Variants in SIPA1L1 observed in about 807,000 individuals in gnomAD.
SIPA1L1 encodes the protein signal-induced proliferation-associated 1-like protein 1.
Under a neutral mutation model 162.7 loss-of-function variants are expected in SIPA1L1, and 26 were observed. That is an observed-to-expected ratio of 0.16 (90% CI 0.12 to 0.22). SIPA1L1 has a LOEUF of 0.22. SIPA1L1 is among the 10% of genes least tolerant of loss of function. The pLI is 1.00. For synonymous variants in SIPA1L1, 829 were observed against 837.4 expected, an observed-to-expected ratio of 0.99 and a Z score of 0.17; for missense variants, 1,874 against 2,241.0, an observed-to-expected ratio of 0.84 and a Z score of 3.31.
intron 12 of SIPA1L1, among the ~76,000 whole-genome samples, chr14:71,685,105 T>A (rs2046174055): frequency 6.6e-6 from 1 of 152,144 alleles, no homozygotes; most frequent in South Asian, 2.1e-4. Context: ...TGTCCGTGGG[T>A]CCCATTGTTT....
intron 2 of SIPA1L1, among the ~76,000 whole-genome samples, chr14:71,383,994 G>T (rs1041073234): frequency 3.3e-5 from 5 of 152,222 alleles, no homozygotes; most frequent in African/African-American, 1.2e-4. Flanking sequence ...CCAGGAGGAC[G>T]GGCCCTTCCA....
intron 15 of SIPA1L1, among the ~76,000 whole-genome samples, chr14:71,703,090 T>C (rs2082203523): frequency 6.6e-6 from 1 of 152,206 alleles, no homozygotes. Context: ...TTTCTATATA[T>C]ATGTTGTTTC....
chr14:71,699,056 T>C lies in SIPA1L1; in HGVS notation c.3450T>C (p.Pro1150=). The change falls in exon 14 of 24, where the codon CCT becomes CCC. Residue 1150 remains proline (P), a synonymous_variant. Coordinates refer to ENST00000381232, the MANE Select transcript of SIPA1L1 (RefSeq NM_001386936.1). ...CAAGATCCCAGTGTCGGAACTCTCC[T>C]AGCAACTTGTCTTCATCCAGTGATA... ...ALARSQCRNS[P]SNLSSSSDTG... The C allele has an allele frequency of 1.9e-6, 3 of 1,614,198 alleles. No individual in the cohort carries two copies. Among genetic ancestry groups the C allele is most frequent in the Non-Finnish European group, 2.5e-6 (3 of 1,179,988 alleles).
chr14:71,532,186 G>GTATT (rs1161185947), intron 4 of SIPA1L1, among the ~76,000 whole-genome samples: 1 of 152,042 alleles, frequency 6.6e-6, no homozygotes, highest in Non-Finnish European at 1.5e-5. Context: ...CTTTGTGAAT[G>GTATT]TATTGGTTGT....
At chr14:71,640,231 A>G (rs1157485289) in intron 7 of SIPA1L1, among the ~76,000 whole-genome samples, 2 of 152,124 alleles carry the variant, frequency 1.3e-5, no homozygotes, top group African/African-American at 4.8e-5. Flanking sequence ...AAGCATCAAC[A>G]ATTAATTCAA....
intron 2 of SIPA1L1, among the ~76,000 whole-genome samples, chr14:71,499,688 A>G (rs911850051): frequency 2.0e-5 from 3 of 152,282 alleles, no homozygotes; most frequent in African/African-American, 7.2e-5. Flanking sequence ...CTAAATAATC[A>G]TTGCCCTAAT....
At chr14:71,432,421 C>T (rs1477503985) in intron 2 of SIPA1L1, among the ~76,000 whole-genome samples, 4 of 152,102 alleles carry the variant, frequency 2.6e-5, no homozygotes, top group South Asian at 4.1e-4. Flanking sequence ...TTCCTTCCCT[C>T]GGGGTCTGAG....
At chr14:71,544,151 G>T (rs1243402786) in intron 4 of SIPA1L1, among the ~76,000 whole-genome samples, 2 of 140,172 alleles carry the variant, frequency 1.4e-5, no homozygotes, top group African/African-American at 5.8e-5. Context: ...ATATATGCAC[G>T]TGTGTGTATA....
At chr14:71,361,308 A>G (rs964357376) in intron 2 of SIPA1L1, among the ~76,000 whole-genome samples, 4 of 152,148 alleles carry the variant, frequency 2.6e-5, no homozygotes, top group African/African-American at 7.2e-5. Flanking sequence ...TATTGGTAAA[A>G]TTAAGAGTAT....
rs1566781738 is a variant in SIPA1L1 at position 71,741,175 on chromosome 14, T to C, written c.*2014T>C. ...GATGATTCTTGAAAATTTCTGTCCT[T>C]CTCAGAATGTTAATAAACTTTTTTA... On this transcript the variant is annotated 3_prime_UTR_variant, in exon 24 of 24. Transcript: ENST00000381232. 1 of 152,246 alleles carries C rather than the reference T, an allele frequency of 6.6e-6. No homozygotes were observed. The highest frequency in any genetic ancestry group is 2.1e-4 in the South Asian group (1 of 4,836). The allele number at this position is 152,246 out of a possible 1,614,324, so 9.4% of individuals were successfully genotyped here.
chr14:71,457,111 A>G (rs1218800841), intron 2 of SIPA1L1, among the ~76,000 whole-genome samples: 1 of 151,912 alleles, frequency 6.6e-6, no homozygotes, highest in Admixed American at 6.6e-5. Flanking sequence ...TATATTTTTT[A>G]ATACTTCAAA....
chr14:71,463,126 C>T (rs868769228), intron 2 of SIPA1L1, among the ~76,000 whole-genome samples: 1 of 152,170 alleles, frequency 6.6e-6, no homozygotes. Context: ...TCTTTCAAGT[C>T]CTTGATGGTG....
In SIPA1L1 at chr14:71,544,253, T is replaced by TATACACATA. The variant is rs557459327; in HGVS notation, c.-303+14891_-303+14892insAATACACAT. Reference sequence around the variant, plus strand: ...TATCATGTATGTATACACATATGTATATACACATGATATGTGTATATACAT... The same window carrying TATACACATA: ...TATCATGTATGTATACACATATGTATATACACATAATACACATGATATGTGTATATACAT... On this transcript the variant is annotated intron_variant, in intron 4 of 23. Coordinates refer to ENST00000381232, the MANE Select transcript of SIPA1L1 (RefSeq NM_001386936.1). Among the ~76,000 whole-genome samples, 162 of 106,964 alleles carry TATACACATA rather than the reference T, an allele frequency of 1.5e-3. 1 individual carries two copies. Among genetic ancestry groups the TATACACATA allele is most frequent in the Middle Eastern group, 7.7e-3 (1 of 130 alleles). 70.2% of individuals were successfully genotyped at this position (106,964 alleles called of 152,430 possible).
chr14:71,571,194 G>C (rs892482353), intron 4 of SIPA1L1, among the ~76,000 whole-genome samples: 1 of 152,138 alleles, frequency 6.6e-6, no homozygotes, highest in African/African-American at 2.4e-5. Context: ...GTTGGAAAAC[G>C]ATGTTTTAAA....
At position 71,740,835 on chromosome 14, in the gene SIPA1L1, C is replaced by T. The variant is rs1205341212; in HGVS notation, c.*1674C>T. ...AAGGAGATTGTACATTGCCTGATAT[C>T]TCTTTGTAAATGAGAAATATTGCTA... On this transcript the variant is annotated 3_prime_UTR_variant, in exon 24 of 24. Coordinates refer to ENST00000381232, the MANE Select transcript of SIPA1L1 (RefSeq NM_001386936.1). 1 of 152,174 alleles carries T rather than the reference C, an allele frequency of 6.6e-6. No individual in the cohort carries two copies. The highest frequency in any genetic ancestry group is 1.5e-5 in the Non-Finnish European group (1 of 68,042). The allele number at this position is 152,174 out of a possible 1,614,324, so 9.4% of individuals were successfully genotyped here.
intron 2 of SIPA1L1, among the ~76,000 whole-genome samples, chr14:71,331,210 A>G (rs2034498212): frequency 1.3e-5 from 2 of 151,994 alleles, no homozygotes; most frequent in Non-Finnish European, 2.9e-5. Flanking sequence ...ATTTGACTAT[A>G]TATGTGGGTT....
intron 5 of SIPA1L1, among the ~76,000 whole-genome samples, chr14:71,605,767 G>A (rs1567297349): frequency 6.6e-6 from 1 of 152,190 alleles, no homozygotes; most frequent in South Asian, 2.1e-4. Context: ...AGCAGTGTTG[G>A]ACTGAGTCTG....
intron 5 of SIPA1L1, among the ~76,000 whole-genome samples, chr14:71,596,425 A>T (rs1468000554): frequency 6.6e-6 from 1 of 152,178 alleles, no homozygotes; most frequent in Non-Finnish European, 1.5e-5. Context: ...CTTGTGACCG[A>T]ACTGGTTGCA....
intron 12 of SIPA1L1, among the ~76,000 whole-genome samples, chr14:71,677,317 G>A (rs2045312803): frequency 6.6e-6 from 1 of 152,180 alleles, no homozygotes; most frequent in Admixed American, 6.5e-5. Context: ...TTTTGATGGG[G>A]TTGTTTGATT....
Sources: allele counts gnomAD v4.1 joint callset (sites outside exome capture counted in the v4.1 genomes callset), GRCh38; gene constraint gnomAD v4.1.1; transcripts MANE v1.5; gene names NCBI Gene and HGNC (gene_info 2026-07-23, HGNC 2026-07-21).